NEK10: variants seen among roughly 807,000 people sequenced by gnomAD.
NEK10 encodes NIMA related kinase 10.
A neutral mutation model predicts 159.8 loss-of-function variants in NEK10; 122 were observed. The observed-to-expected ratio is 0.76, with a 90% CI of 0.66 to 0.89. The LOEUF is 0.89. NEK10 is among the 40% of genes least tolerant of loss of function. NEK10 has a pLI of 0.00. For missense variants in NEK10, 1,342 were observed against 1,323.1 expected, an observed-to-expected ratio of 1.01 and a Z score of -0.22; for synonymous variants, 466 against 457.1, an observed-to-expected ratio of 1.02 and a Z score of -0.25.
chr3:27,258,051 C>T (rs1049678399), intron 22 of NEK10, among the ~76,000 whole-genome samples: 7 of 152,064 alleles, frequency 4.6e-5, no homozygotes, highest in African/African-American at 1.7e-4. Flanking sequence ...CCACCTCAGC[C>T]TCCCAAAGTG....
In NEK10 at chr3:27,356,308, T is replaced by C. The variant is rs149453501; in HGVS notation, c.-37-3389A>G. ...GGAGGATCACTTGAAGGTCAAGAGT[T>C]TGAAACCACCCTGGGCAACATACCA... On this transcript the variant is annotated intron_variant, in intron 1 of 35. Coordinates refer to ENST00000691995, the MANE Select transcript of NEK10 (RefSeq NM_001394966.1). Among the ~76,000 whole-genome samples, 408 of 152,230 alleles carry C rather than the reference T, an allele frequency of 2.7e-3. 3 individuals are homozygous for C. Among genetic ancestry groups the C allele is most frequent in the African/African-American group, 9.6e-3 (397 of 41,536 alleles).
At chr3:27,278,729 G>T in intron 22 of NEK10, 1 of 984,596 alleles carries the variant, frequency 1.0e-6, no homozygotes, top group Non-Finnish European at 1.2e-6. Flanking sequence ...GGACATGGAA[G>T]GTTTACATTA....
intron 3 of NEK10, among the ~76,000 whole-genome samples, chr3:27,351,686 A>G (rs2149819218): frequency 6.6e-6 from 1 of 152,244 alleles, no homozygotes. Context: ...GGGCTGGATT[A>G]CCAAACACCA....
chr3:27,306,214 C>T (rs114872647), intron 11 of NEK10, among the ~76,000 whole-genome samples: 67 of 152,264 alleles, frequency 4.4e-4, no homozygotes, highest in East Asian at 1.5e-3. Flanking sequence ...TCCTGGGCAA[C>T]GTTGGGATTC....
chr3:27,129,032 A>G lies in NEK10; in HGVS notation c.3081+2848T>C, dbSNP rs147294271. ...ATTCACACTGATACTTCCAATTCCA[A>G]TTTAGATGAATCTCTGCTATCTTGC... On this transcript the variant is annotated intron_variant, in intron 32 of 35. Coordinates refer to ENST00000691995, the MANE Select transcript of NEK10 (RefSeq NM_001394966.1). Among the ~76,000 whole-genome samples, 600 of 152,154 alleles carry G rather than the reference A, an allele frequency of 3.9e-3. 3 individuals are homozygous for G. The highest frequency in any genetic ancestry group is 0.014 in the African/African-American group (576 of 41,530).
At chr3:27,244,927 C>T (rs1035506534) in intron 23 of NEK10, among the ~76,000 whole-genome samples, 3 of 152,176 alleles carry the variant, frequency 2.0e-5, no homozygotes, top group African/African-American at 7.2e-5. Context: ...ATCTAGCCAA[C>T]TTTTCTGCTG....
intron 22 of NEK10, among the ~76,000 whole-genome samples, chr3:27,273,578 T>G (rs2041542412): frequency 6.6e-6 from 1 of 152,206 alleles, no homozygotes; most frequent in African/African-American, 2.4e-5. Context: ...GTTGTTCCTT[T>G]TCTTCAAAGC....
intron 12 of NEK10, 98 bp from the exon 13 acceptor site, chr3:27,301,933 C>A: frequency 1.1e-6 from 1 of 876,222 alleles, no homozygotes; most frequent in South Asian, 1.6e-5. Flanking sequence ...TCCCTCAGGT[C>A]ATGAAGGCAT....
chr3:27,117,194 A>C (rs150628662), intron 33 of NEK10, among the ~76,000 whole-genome samples: 4,944 of 152,260 alleles, frequency 0.032, 105 homozygotes, highest in South Asian at 0.048. Context: ...TCCATGGTGC[A>C]TGTGTACCAC....
chr3:27,198,075 A>G (rs907807958), intron 25 of NEK10, among the ~76,000 whole-genome samples: 15 of 152,208 alleles, frequency 9.9e-5, no homozygotes, highest in African/African-American at 3.6e-4. Context: ...ACAGCTAACC[A>G]GTAAAAGAGC....
At position 27,311,091 on chromosome 3, in the gene NEK10, A is replaced by G. The variant is rs1011749889; in HGVS notation, c.569-75T>C. On this transcript the variant is annotated intron_variant, in intron 8 of 35. Coordinates refer to ENST00000691995, the MANE Select transcript of NEK10 (RefSeq NM_001394966.1). ...AGTACTTCCAGGAGCACAGATCTGC[A>G]GTGCATATGGGCAGGCAGAGAAAGG... is the stretch of plus-strand genomic sequence containing the variant. The G allele has an allele frequency of 5.6e-6, 5 of 890,166 alleles. No individual in the cohort carries two copies. The African/African-American group carries it at 8.2e-5, about 15-fold the overall frequency. The allele number at this position is 890,166 out of a possible 1,614,324, so 55.1% of individuals were successfully genotyped here. A position where few individuals can be genotyped will look rare whatever the true frequency, so the allele number is the denominator to read the frequency against.
intron 5 of NEK10, among the ~76,000 whole-genome samples, chr3:27,339,054 T>C (rs2047016457): frequency 6.6e-6 from 1 of 152,196 alleles, no homozygotes; most frequent in South Asian, 2.1e-4. Flanking sequence ...AACAAGCGAC[T>C]AATATCCAAA....
chr3:27,136,344 C>A (rs148690295), intron 31 of NEK10, among the ~76,000 whole-genome samples: 47 of 152,068 alleles, frequency 3.1e-4, no homozygotes, highest in African/African-American at 1.1e-3. Context: ...GATCTCCTGA[C>A]CTTGTGATCC....
At position 27,303,867 on chromosome 3, in the gene NEK10, T is replaced by A. The variant is rs576722927; in HGVS notation, c.1028+880A>T. Among the ~76,000 whole-genome samples, 8 of 152,318 alleles carry A rather than the reference T, an allele frequency of 5.3e-5. No homozygotes were observed. The South Asian group carries it at 1.7e-3, about 32-fold the overall frequency. ...TGCTTTTATTAGAATGAGCTTTATT[T>A]ATGTACTGCAGATCATAAAGACGAT... On this transcript the variant is annotated intron_variant, in intron 12 of 35. Transcript: ENST00000691995.
At chr3:27,202,786 T>C (rs1298416651) in intron 23 of NEK10, among the ~76,000 whole-genome samples, 1 of 152,162 alleles carries the variant, frequency 6.6e-6, no homozygotes, top group African/African-American at 2.4e-5. Flanking sequence ...CTCATATAAG[T>C]ATCACCTAGT....
At chr3:27,208,093 T>C (rs772075432) in intron 23 of NEK10, among the ~76,000 whole-genome samples, 3 of 152,188 alleles carry the variant, frequency 2.0e-5, no homozygotes, top group Non-Finnish European at 4.4e-5. Flanking sequence ...TGCATGTCCA[T>C]GGATATTTAT....
intron 19 of NEK10, among the ~76,000 whole-genome samples, chr3:27,290,066 T>C (rs543671603): frequency 6.6e-6 from 1 of 152,318 alleles, no homozygotes; most frequent in South Asian, 2.1e-4. Context: ...ACAAAGAAAT[T>C]CCATTTCTCT....
At chr3:27,208,849 A>C (rs543525532) in intron 23 of NEK10, among the ~76,000 whole-genome samples, 1 of 152,318 alleles carries the variant, frequency 6.6e-6, no homozygotes, top group South Asian at 2.1e-4. Context: ...TGCTGTCTAT[A>C]AGCCTGGCAT....
In NEK10 at chr3:27,111,227, T is replaced by G. The variant is rs1404584974; in HGVS notation, c.*45A>C. The G allele has an allele frequency of 6.4e-7, 1 of 1,574,554 alleles. No homozygotes were observed. Among genetic ancestry groups the G allele is most frequent in the Admixed American group, 1.7e-5 (1 of 59,138 alleles). On this transcript the variant is annotated 3_prime_UTR_variant, in exon 36 of 36. Coordinates refer to ENST00000691995, the MANE Select transcript of NEK10 (RefSeq NM_001394966.1). ...TGCAATAGCGGCTGAAGTCCAGAAC[T>G]TGAACTTCACTGAGAAAATCAAGTC...
Sources: gnomAD v4.1 joint callset for allele counts (sites outside exome capture counted in the v4.1 genomes callset) on GRCh38, gnomAD v4.1.1 for gene constraint, MANE v1.5 for transcripts, NCBI Gene and HGNC (gene_info 2026-07-23, HGNC 2026-07-21) for gene names.